The following RBFOX1 variants were observed in gnomAD, a reference collection of about 807,000 sequenced individuals.
RBFOX1 encodes the protein RNA binding fox-1 homolog 1.
In RBFOX1, 8 loss-of-function variants were observed where a neutral mutation model predicts 57.7. That is an observed-to-expected ratio of 0.14 (90% confidence interval 0.08 to 0.25). RBFOX1 has a LOEUF of 0.25. RBFOX1 is among the 10% of genes least tolerant of loss of function. RBFOX1 has a pLI of 1.00. For missense variants in RBFOX1, 611 were observed against 548.5 expected, an observed-to-expected ratio of 1.11 and a Z score of -1.14; for synonymous variants, 326 against 222.4, an observed-to-expected ratio of 1.47 and a Z score of -4.15.
At chr16:7,341,744 C>T (rs866716621) in intron 4 of RBFOX1, among the ~76,000 whole-genome samples, 14 of 121,196 alleles carry the variant, frequency 1.2e-4, no homozygotes, top group East Asian at 2.9e-4. Context: ...CCTTCCCTCC[C>T]TCCCTCCCTC....
chr16:6,328,572 T>A (rs1260127239), intron 2 of RBFOX1, among the ~76,000 whole-genome samples: 3 of 152,112 alleles, frequency 2.0e-5, no homozygotes, highest in Admixed American at 6.6e-5. Context: ...CAGTAGAAAA[T>A]GCACAGCCTT....
intron 1 of RBFOX1, among the ~76,000 whole-genome samples, chr16:6,095,455 G>T (rs191633220): frequency 6.6e-6 from 1 of 152,134 alleles, no homozygotes; most frequent in Non-Finnish European, 1.5e-5. Flanking sequence ...TTGCAGGTCA[G>T]ACAGTCCCAG....
chr16:5,852,926 C>T (rs570940524), intron 3 of RBFOX1, among the ~76,000 whole-genome samples: 3 of 152,292 alleles, frequency 2.0e-5, no homozygotes, highest in Admixed American at 6.5e-5. Flanking sequence ...ACTACTGCCC[C>T]TCCTCTAGGG....
chr16:6,557,115 A>G (rs1381435035), intron 2 of RBFOX1, among the ~76,000 whole-genome samples: 10 of 142,300 alleles, frequency 7.0e-5, no homozygotes, highest in East Asian at 5.8e-4. Flanking sequence ...ACATATATAC[A>G]TATATACATA....
chr16:7,203,742 C>G (rs542526464), intron 4 of RBFOX1, among the ~76,000 whole-genome samples: 1 of 152,284 alleles, frequency 6.6e-6, no homozygotes, highest in Non-Finnish European at 1.5e-5. Flanking sequence ...CAAATATCTG[C>G]TTGGTTAGTG....
intron 3 of RBFOX1, among the ~76,000 whole-genome samples, chr16:5,753,958 A>G (rs921853733): frequency 6.6e-6 from 1 of 152,028 alleles, no homozygotes; most frequent in South Asian, 2.1e-4. Flanking sequence ...GTATTTGGTA[A>G]TTATCTAGCC....
chr16:6,585,441 G>C (rs191460744), intron 2 of RBFOX1, among the ~76,000 whole-genome samples: 1 of 151,924 alleles, frequency 6.6e-6, no homozygotes, highest in African/African-American at 2.4e-5. Flanking sequence ...TTGTATTCTC[G>C]GTCCCCTTTG....
intron 4 of RBFOX1, among the ~76,000 whole-genome samples, chr16:7,161,389 A>G (rs2078292525): frequency 6.6e-6 from 1 of 152,242 alleles, no homozygotes; most frequent in Admixed American, 6.5e-5. Flanking sequence ...TATATTTGCT[A>G]AATACACATT....
chr16:7,368,150 C>T (rs2097496566), intron 4 of RBFOX1, among the ~76,000 whole-genome samples: 2 of 151,686 alleles, frequency 1.3e-5, no homozygotes, highest in African/African-American at 4.8e-5. Context: ...ACCAGTAGTC[C>T]CAGCTACTTG....
chr16:6,279,942 AT>A (rs930274446), intron 1 of RBFOX1, among the ~76,000 whole-genome samples: 1 of 152,122 alleles, frequency 6.6e-6, no homozygotes, highest in African/African-American at 2.4e-5. Context: ...TGCTAATGAA[AT>A]TTGCAGACGA....
intron 1 of RBFOX1, among the ~76,000 whole-genome samples, chr16:6,084,966 G>A (rs796544011): frequency 6.6e-6 from 1 of 152,180 alleles, no homozygotes; most frequent in African/African-American, 2.4e-5. Flanking sequence ...GCTTGATAGT[G>A]ATCAGAGTTC....
intron 2 of RBFOX1, among the ~76,000 whole-genome samples, chr16:6,508,960 C>T (rs962429933): frequency 6.6e-6 from 1 of 151,838 alleles, no homozygotes; most frequent in Non-Finnish European, 1.5e-5. Flanking sequence ...TTTCTCAGTA[C>T]TATGTGAATG....
At chr16:7,253,683 C>T (rs919101010) in intron 4 of RBFOX1, among the ~76,000 whole-genome samples, 1 of 152,148 alleles carries the variant, frequency 6.6e-6, no homozygotes, top group Non-Finnish European at 1.5e-5. Flanking sequence ...TACCCTACTT[C>T]TCAGGTGGCC....
At chr16:6,867,126 C>A (rs565478802) in intron 3 of RBFOX1, among the ~76,000 whole-genome samples, 1 of 151,966 alleles carries the variant, frequency 6.6e-6, no homozygotes, top group Non-Finnish European at 1.5e-5. Flanking sequence ...ATAAAGCAGT[C>A]AGGTTTTAGC....
chr16:6,940,320 T>A (rs2078147675), intron 3 of RBFOX1, among the ~76,000 whole-genome samples: 1 of 152,196 alleles, frequency 6.6e-6, no homozygotes, highest in Non-Finnish European at 1.5e-5. Flanking sequence ...CTGACCAAGC[T>A]AGGTTTTGGG....
At chr16:6,340,259 T>C (rs886204339) in intron 2 of RBFOX1, among the ~76,000 whole-genome samples, 2 of 151,908 alleles carry the variant, frequency 1.3e-5, no homozygotes, top group Non-Finnish European at 2.9e-5. Flanking sequence ...GGACAGGAAG[T>C]ATAGGGGTTG....
chr16:6,248,595 A>G (rs991687166), intron 1 of RBFOX1, among the ~76,000 whole-genome samples: 1 of 152,192 alleles, frequency 6.6e-6, no homozygotes, highest in African/African-American at 2.4e-5. Context: ...GGGTTTTACC[A>G]AACAAACTTC....
chr16:5,315,453 T>A (rs942055364), intron 1 of RBFOX1, among the ~76,000 whole-genome samples: 4 of 152,118 alleles, frequency 2.6e-5, no homozygotes, highest in Non-Finnish European at 5.9e-5. Context: ...AGTTCCTGAG[T>A]CTGGAGTTTC....
chr16:7,652,032 C>T (rs1427500621), intron 11 of RBFOX1, among the ~76,000 whole-genome samples: 2 of 151,798 alleles, frequency 1.3e-5, no homozygotes, highest in Non-Finnish European at 2.9e-5. Flanking sequence ...AAGGGCATCC[C>T]AGGTAGAGGA....
Sources: allele counts gnomAD v4.1 joint callset (sites outside exome capture counted in the v4.1 genomes callset), GRCh38; gene constraint gnomAD v4.1.1; transcripts MANE v1.5; gene names NCBI Gene and HGNC (gene_info 2026-07-23, HGNC 2026-07-21).